Variants in SPMIP7 observed in about 807,000 individuals in gnomAD.
The protein encoded by SPMIP7 is sperm microtubule inner protein 7, also known as protein SPMIP7.
At chr7:50,118,924 T>C in the SPMIP7 span, among the ~76,000 whole-genome samples, 1 of 152,236 alleles carries the variant, frequency 6.6e-6, no homozygotes, top group African/African-American at 2.4e-5. Flanking sequence ...ATGCCCTTAA[T>C]AATAGAACCT....
the SPMIP7 span, among the ~76,000 whole-genome samples, chr7:50,125,950 A>T: frequency 6.6e-6 from 1 of 152,080 alleles, no homozygotes; most frequent in Non-Finnish European, 1.5e-5. Flanking sequence ...ATGTGACAAG[A>T]GAAAGATTTT....
the SPMIP7 span, among the ~76,000 whole-genome samples, chr7:50,133,294 T>C: frequency 6.6e-6 from 1 of 152,036 alleles, no homozygotes; most frequent in African/African-American, 2.4e-5. Context: ...CTGAAGCCCT[T>C]CAACCATGCC....
the SPMIP7 span, chr7:50,136,031 A>G: frequency 8.6e-7 from 1 of 1,169,556 alleles, no homozygotes; most frequent in Non-Finnish European, 1.2e-6. Flanking sequence ...TCAAGGGGAC[A>G]GGAGTTTATC....
At chr7:50,108,446 TC>T in the SPMIP7 span, among the ~76,000 whole-genome samples, 1 of 152,122 alleles carries the variant, frequency 6.6e-6, no homozygotes, top group African/African-American at 2.4e-5. Flanking sequence ...TAGAGAAAAA[TC>T]TAGATTCCCC....
chr7:50,120,902 T>C, the SPMIP7 span, among the ~76,000 whole-genome samples: 1 of 152,190 alleles, frequency 6.6e-6, no homozygotes, highest in African/African-American at 2.4e-5. Flanking sequence ...TGATGAATTG[T>C]CTTTATTGCC....
the SPMIP7 span, among the ~76,000 whole-genome samples, chr7:50,103,869 G>T: frequency 4.6e-5 from 7 of 152,076 alleles, no homozygotes. Flanking sequence ...CAAAACCAGG[G>T]GCCCTGTTTT....
At chr7:50,144,446 T>C in the SPMIP7 span, among the ~76,000 whole-genome samples, 4 of 152,218 alleles carry the variant, frequency 2.6e-5, no homozygotes, top group Admixed American at 1.3e-4. Flanking sequence ...TTTTTGCATA[T>C]TAAAATCTTT....
the SPMIP7 span, among the ~76,000 whole-genome samples, chr7:50,136,961 G>GAAA: frequency 6.6e-6 from 1 of 152,090 alleles, no homozygotes; most frequent in South Asian, 2.1e-4. Flanking sequence ...TTACACAATG[G>GAAA]AAAATTTCTG....
chr7:50,100,902 C>G, the SPMIP7 span, among the ~76,000 whole-genome samples: 1 of 151,778 alleles, frequency 6.6e-6, no homozygotes, highest in Non-Finnish European at 1.5e-5. Context: ...TTTATGATTT[C>G]TTATCTGATC....
At chr7:50,144,297 T>C in the SPMIP7 span, among the ~76,000 whole-genome samples, 1 of 152,222 alleles carries the variant, frequency 6.6e-6, no homozygotes. Context: ...TCAATCCCAA[T>C]ATTAAAAGTT....
At chr7:50,155,650 A>G in the SPMIP7 span, among the ~76,000 whole-genome samples, 1 of 152,182 alleles carries the variant, frequency 6.6e-6, no homozygotes, top group African/African-American at 2.4e-5. Context: ...CGTTCCTATT[A>G]TCTTTCAGAT....
At chr7:50,134,101 T>C in the SPMIP7 span, 1 of 1,534,742 alleles carries the variant, frequency 6.5e-7, no homozygotes, top group South Asian at 1.2e-5. Flanking sequence ...ATTTAATAAC[T>C]TCATAGAGCT....
the SPMIP7 span, among the ~76,000 whole-genome samples, chr7:50,114,947 T>C: frequency 6.6e-6 from 1 of 151,338 alleles, no homozygotes; most frequent in Non-Finnish European, 1.5e-5. Flanking sequence ...GTAGAGACAC[T>C]TGAACCTGGG....
the SPMIP7 span, among the ~76,000 whole-genome samples, chr7:50,107,362 CAAAAA>C: frequency 8.0e-3 from 132 of 16,600 alleles, no homozygotes; most frequent in East Asian, 0.046. Flanking sequence ...GACTCTGTCT[CAAAAA>C]AAAAAAAAAA....
the SPMIP7 span, among the ~76,000 whole-genome samples, chr7:50,098,832 C>G: frequency 2.0e-5 from 1 of 49,254 alleles, no homozygotes; most frequent in East Asian, 7.9e-4. Context: ...CTTCAACACA[C>G]GAATCTGGGG....
At chr7:50,122,238 T>C in the SPMIP7 span, among the ~76,000 whole-genome samples, 556 of 152,222 alleles carry the variant, frequency 3.7e-3, 4 homozygotes, top group African/African-American at 0.012. Flanking sequence ...TAAACTAATA[T>C]AAGAGCCCTC....
chr7:50,126,794 C>T, the SPMIP7 span, among the ~76,000 whole-genome samples: 1 of 151,588 alleles, frequency 6.6e-6, no homozygotes, highest in East Asian at 1.9e-4. Flanking sequence ...CTAGATATAG[C>T]TTTGAAGAAT....
At chr7:50,115,030 CA>C in the SPMIP7 span, among the ~76,000 whole-genome samples, 44,786 of 113,560 alleles carry the variant, frequency 0.39, 6,675 homozygotes, top group Middle Eastern at 0.45. Flanking sequence ...ATTCTGTCTC[CA>C]AAAAAAAAAA....
chr7:50,104,885 CCCCTTGG>C, the SPMIP7 span, among the ~76,000 whole-genome samples: 3 of 152,158 alleles, frequency 2.0e-5, no homozygotes, highest in Non-Finnish European at 4.4e-5. Context: ...TGTCTTCCCT[CCCCTTGG>C]CCTGAGAGCA....
Sources: gnomAD v4.1 joint callset for allele counts (sites outside exome capture counted in the v4.1 genomes callset) on GRCh38, gnomAD v4.1.1 for gene constraint, MANE v1.5 for transcripts, NCBI Gene and HGNC (gene_info 2026-07-23, HGNC 2026-07-21) for gene names.